The following NECTIN1 variants were observed in gnomAD, a reference collection of about 807,000 sequenced individuals.
NECTIN1 encodes the protein nectin-1.
Under a neutral mutation model 48.0 loss-of-function variants are expected in NECTIN1, and 23 were observed. The ratio of observed to expected loss-of-function variants is 0.48; its 90% CI spans 0.34 to 0.68. NECTIN1 has a LOEUF of 0.68. Among genes scored for constraint, NECTIN1 ranks in the 30% least tolerant of loss-of-function variants. The pLI is 0.01. For synonymous variants in NECTIN1, 270 were observed against 288.9 expected, an observed-to-expected ratio of 0.93 and a Z score of 0.66; for missense variants, 591 against 709.9, an observed-to-expected ratio of 0.83 and a Z score of 1.90.
chr11:119,719,388 C>G (rs547367799), intron 1 of NECTIN1, among the ~76,000 whole-genome samples: 1 of 152,330 alleles, frequency 6.6e-6, no homozygotes, highest in South Asian at 2.1e-4. Flanking sequence ...AGAGGCAGCT[C>G]AGCCACATGG....
At chr11:119,712,190 C>G (rs1399461290) in intron 1 of NECTIN1, among the ~76,000 whole-genome samples, 2 of 152,144 alleles carry the variant, frequency 1.3e-5, no homozygotes, top group African/African-American at 4.8e-5. Context: ...TTTTCAAGTC[C>G]CAGTCCACAG....
rs188196894 is a variant in NECTIN1, at chr11:119,650,751, T to C, written c.1004-10739A>G. On this transcript the variant is annotated intron_variant, in intron 5 of 7. Coordinates refer to the NECTIN1 transcript ENST00000341398. ...GGGAAACTCTCTTCATGTCTTCATG[T>C]CCCTGTGTTGGGAATGATAGTAAGA... Among the ~76,000 whole-genome samples, 441 of 152,258 alleles carry C rather than the reference T, an allele frequency of 2.9e-3. 1 individual carries two copies. The highest frequency in any genetic ancestry group is 5.1e-3 in the Non-Finnish European group (347 of 68,026).
At chr11:119,690,155 C>G (rs999816019) in intron 1 of NECTIN1, among the ~76,000 whole-genome samples, 10 of 152,114 alleles carry the variant, frequency 6.6e-5, no homozygotes, top group Admixed American at 3.3e-4. Context: ...GGAAAGGGAG[C>G]TGTGATGCTG....
Position 119,662,715 on chromosome 11 carries a change from T to C in NECTIN1, c.*2032A>G. 1 of 984,974 alleles carries C rather than the reference T, an allele frequency of 1.0e-6. No individual in the cohort carries two copies. Among genetic ancestry groups the C allele is most frequent in the African/African-American group, 1.8e-5 (1 of 56,786 alleles). The allele number at this position is 984,974 out of a possible 1,614,324, so 61.0% of individuals were successfully genotyped here. A position where few individuals can be genotyped will look rare whatever the true frequency, so the allele number is the denominator to read the frequency against. The stretch of plus-strand genomic sequence containing the variant: ...GGGCAGTGATGTAATGTGGAAAAGG[T>C]CCCCTGTCCTGGGGGACACTAATAC... On this transcript the variant is annotated 3_prime_UTR_variant, in exon 6 of 6. Transcript: ENST00000264025. This position sits in a 1 kb window ranked among gnomAD's most constrained non-coding sequence, Gnocchi z 5.3.
At chr11:119,660,280 C>T (rs984208147), downstream of NECTIN1, among the ~76,000 whole-genome samples, 1 of 152,048 alleles carries the variant, frequency 6.6e-6, no homozygotes. Context: ...CCCCCAGGAT[C>T]GATTTGTCCT....
intron 5 of NECTIN1, among the ~76,000 whole-genome samples, chr11:119,649,360 A>G (rs1361240568): frequency 4.1e-5 from 6 of 148,088 alleles, no homozygotes; most frequent in African/African-American, 7.5e-5. Context: ...CAGCCTGACA[A>G]CAGAGTGAGA....
chr11:119,680,232 C>T (rs538751257), intron 1 of NECTIN1, among the ~76,000 whole-genome samples: 18 of 152,108 alleles, frequency 1.2e-4, no homozygotes, highest in African/African-American at 4.3e-4. Context: ...TAACGTGGGG[C>T]GGTTGTCCTC....
At chr11:119,668,276 G>T (rs939046413) in intron 5 of NECTIN1, among the ~76,000 whole-genome samples, 10 of 152,138 alleles carry the variant, frequency 6.6e-5, no homozygotes, top group African/African-American at 2.4e-4. Context: ...TACTGCTGTG[G>T]TCGATTCCTA....
chr11:119,724,481 C>A (rs917373256), intron 1 of NECTIN1, among the ~76,000 whole-genome samples: 1 of 152,148 alleles, frequency 6.6e-6, no homozygotes, highest in Non-Finnish European at 1.5e-5. Context: ...TCCCACCCCC[C>A]AAAGGACCCG....
intron 5 of NECTIN1, among the ~76,000 whole-genome samples, chr11:119,649,381 A>G (rs930263138): frequency 3.5e-4 from 52 of 147,386 alleles, no homozygotes; most frequent in African/African-American, 1.3e-3. Context: ...CTCCATCTCA[A>G]AAAAAAAAAA....
rs1222534764 is a variant in NECTIN1 at position 119,664,854 on chromosome 11, C to A, written c.1447G>T (p.Asp483Tyr). ...TCGTACTGGTAGCCCAGAGTCCGGT[C>A]CCCGTAGCCGTCCTGACGGGCCTCG... The part of the protein sequence containing the change: ...EAEARQDGYG[D>Y]RTLGYQYDPE... The change falls in exon 6 of 6, where the codon GAC becomes TAC. Residue 483 changes from aspartate (D) to tyrosine (Y), a missense_variant. Asp to Tyr is a radical substitution (Grantham distance 160, BLOSUM62 -3). Coordinates refer to ENST00000264025, the MANE Select transcript of NECTIN1 (RefSeq NM_002855.5). 1 of 1,613,998 alleles carries A rather than the reference C, an allele frequency of 6.2e-7. No homozygotes were observed. Among genetic ancestry groups the A allele is most frequent in the Non-Finnish European group, 8.5e-7 (1 of 1,179,940 alleles).
chr11:119,647,925 A>G lies in NECTIN1; in HGVS notation c.1004-7913T>C, dbSNP rs1368241983. Among the ~76,000 whole-genome samples, 14 of 151,818 alleles carry G rather than the reference A, an allele frequency of 9.2e-5. No individual in the cohort carries two copies. In the East Asian group the frequency reaches 1.6e-3, roughly 17 times the overall value. On this transcript the variant is annotated intron_variant, in intron 5 of 7. Coordinates refer to the NECTIN1 transcript ENST00000341398. ...TAAAAATACAAAAAATTAGCCAGGCATGGTGGTGGGTGCCTGTAATCCCAG... is the reference window on the plus strand; with the variant it reads ...TAAAAATACAAAAAATTAGCCAGGCGTGGTGGTGGGTGCCTGTAATCCCAG...
intron 1 of NECTIN1, among the ~76,000 whole-genome samples, chr11:119,698,009 C>T (rs4936495): frequency 0.61 from 92,050 of 151,712 alleles, 28,212 homozygotes; most frequent in South Asian, 0.67. Flanking sequence ...GAGCAAAAAC[C>T]GGGGTTTTGG....
At chr11:119,669,358 C>A (rs547977352) in intron 5 of NECTIN1, among the ~76,000 whole-genome samples, 1 of 149,688 alleles carries the variant, frequency 6.7e-6, no homozygotes, top group South Asian at 2.1e-4. Flanking sequence ...TTGCAGTGAG[C>A]CAAGTTTGTG....
intron 1 of NECTIN1, among the ~76,000 whole-genome samples, chr11:119,691,489 T>C (rs538926184): frequency 1.3e-5 from 2 of 152,354 alleles, no homozygotes; most frequent in South Asian, 2.1e-4. Context: ...GCGGGTGGTC[T>C]GCCTGCAGGG....
intron 6 of NECTIN1, chr11:119,639,508 C>T (rs891461136): frequency 2.6e-6 from 1 of 380,646 alleles, no homozygotes; most frequent in African/African-American, 2.1e-5. Flanking sequence ...CTGCCCTCAC[C>T]CCTTGTCAAC....
At chr11:119,679,172 C>A (rs1458703645) in intron 1 of NECTIN1, among the ~76,000 whole-genome samples, 1 of 152,190 alleles carries the variant, frequency 6.6e-6, no homozygotes, top group Non-Finnish European at 1.5e-5. Context: ...GCTTTTCGAG[C>A]AGAGCCCCAG....
chr11:119,638,133 C>T (rs775045438), exon 8 of NECTIN1: 1 of 1,613,692 alleles, frequency 6.2e-7, no homozygotes, highest in South Asian at 1.1e-5. Context: ...GTTGTCCTTA[C>T]CGAGGGGTGG....
chr11:119,645,277 A>T (rs73571285), intron 5 of NECTIN1, among the ~76,000 whole-genome samples: 2 of 152,096 alleles, frequency 1.3e-5, no homozygotes, highest in Middle Eastern at 6.8e-3. Flanking sequence ...CCTTTCCCCC[A>T]ATGACCAGAG....
Sources: allele counts gnomAD v4.1 joint callset (sites outside exome capture counted in the v4.1 genomes callset), GRCh38; gene constraint gnomAD v4.1.1; non-coding constraint Gnocchi (gnomAD v3.1); transcripts MANE v1.5; gene names NCBI Gene and HGNC (gene_info 2026-07-23, HGNC 2026-07-21).